Variants in SRPRB observed in about 807,000 individuals in gnomAD.
SRPRB encodes SRP receptor subunit beta.
In SRPRB, 20 loss-of-function variants were observed where a neutral mutation model predicts 31.9. The ratio of observed to expected loss-of-function variants is 0.63; its 90% CI spans 0.44 to 0.91. The LOEUF (loss-of-function observed/expected upper bound fraction) is 0.91, where lower values mean the gene tolerates loss of function less well. SRPRB is among the 40% of genes least tolerant of loss of function. The pLI, the probability that SRPRB is intolerant of heterozygous loss-of-function variation, is 0.00. For synonymous variants in SRPRB, 146 were observed against 132.8 expected (o/e 1.10, Z -0.68); for missense variants, 321 against 324.9 (o/e 0.99, Z 0.09).
rs773319742 is a variant in SRPRB at position 133,806,671 on chromosome 3, T to C, written c.217T>C (p.Cys73Arg). The C allele has an allele frequency of 1.2e-6, 2 of 1,614,200 alleles. No homozygotes were observed. The highest frequency in any genetic ancestry group is 1.7e-5 in the Admixed American group (1 of 60,030). The change falls in exon 2 of 7, where the codon TGT becomes CGT. Residue 73 changes from cysteine (C) to arginine (R), a missense_variant. Cys to Arg is a radical substitution (Grantham distance 180, BLOSUM62 -3). Coordinates refer to ENST00000678299, the MANE Select transcript of SRPRB (RefSeq NM_001379313.1). ...SQRAVLLVGL[C>R]DSGKTLLFVR... ...GAGAGCTGTTCTTCTTGTTGGCCTTTGTGATTCCGGGAAAACGTTGCTCTT... is the reference window on the plus strand; with the variant it reads ...GAGAGCTGTTCTTCTTGTTGGCCTTCGTGATTCCGGGAAAACGTTGCTCTT...
chr3:133,805,805 G>A (rs1186565105), upstream of SRPRB: 1 of 1,574,374 alleles, frequency 6.4e-7, no homozygotes, highest in Non-Finnish European at 8.6e-7. Flanking sequence ...GCAGAGTGCA[G>A]GGCCACGTCG....
At chr3:133,808,782 C>G (rs903091443) in intron 3 of SRPRB, among the ~76,000 whole-genome samples, 1 of 149,662 alleles carries the variant, frequency 6.7e-6, no homozygotes, top group African/African-American at 2.5e-5. Flanking sequence ...CCCAGCTACT[C>G]GGGAGGCTGA....
chr3:133,815,745 G>A lies in SRPRB; in HGVS notation c.547+19G>A. ...AAGCAAGGTGCCATCATGTTTTCTT[G>A]CAATAATAATTGAGTTTTTTGGGGA... On this transcript the variant is annotated intron_variant, in intron 5 of 6. Coordinates refer to ENST00000678299, the MANE Select transcript of SRPRB (RefSeq NM_001379313.1). 6.2e-7 allele frequency: 1 copy of A among 1,608,516 alleles called. No individual in the cohort carries two copies. Among genetic ancestry groups the A allele is most frequent in the Non-Finnish European group, 8.5e-7 (1 of 1,176,254 alleles).
At chr3:133,810,922 C>A in intron 3 of SRPRB, 195 bp from the exon 4 acceptor site, 1 of 454,166 alleles carries the variant, frequency 2.2e-6, no homozygotes, top group South Asian at 4.1e-5. Flanking sequence ...ATAAATTTTG[C>A]CAGATCAGGA....
intron 3 of SRPRB, among the ~76,000 whole-genome samples, chr3:133,809,178 A>C (rs939950012): frequency 6.6e-6 from 1 of 151,972 alleles, no homozygotes; most frequent in African/African-American, 2.4e-5. Context: ...TTTTTAGTAG[A>C]GATGGGGTTT....
chr3:133,784,681 T>TG (rs2107943282), intron 1 of SRPRB: 1 of 152,152 alleles, frequency 6.6e-6, no homozygotes, highest in Admixed American at 6.5e-5. Flanking sequence ...CCTGATGATC[T>TG]GAGGTGGAAC....
At chr3:133,821,778 A>G (rs915180653), downstream of SRPRB, among the ~76,000 whole-genome samples, 1 of 152,214 alleles carries the variant, frequency 6.6e-6, no homozygotes, top group Non-Finnish European at 1.5e-5. Flanking sequence ...TGCATGCTTA[A>G]TAAGTCTTTT....
At chr3:133,798,144 A>G (rs1023674552) in intron 1 of SRPRB, among the ~76,000 whole-genome samples, 12 of 152,338 alleles carry the variant, frequency 7.9e-5, no homozygotes, top group African/African-American at 2.9e-4. Context: ...CCAATTTGTA[A>G]ATATCTTTTT....
chr3:133,819,380 T>A (rs1429817976), intron 6 of SRPRB, among the ~76,000 whole-genome samples, 173 bp from the exon 7 acceptor site: 1 of 79,276 alleles, frequency 1.3e-5, no homozygotes, highest in Admixed American at 1.8e-4. Context: ...CTACCTCACC[T>A]CTCTGTCCAA....
downstream of SRPRB, among the ~76,000 whole-genome samples, chr3:133,823,711 T>C (rs1478754731): frequency 6.6e-6 from 1 of 152,192 alleles, no homozygotes; most frequent in East Asian, 1.9e-4. Flanking sequence ...TGGAGATAAC[T>C]GAGACCTGGA....
At chr3:133,819,041 C>A (rs1935417691) in intron 6 of SRPRB, among the ~76,000 whole-genome samples, 1 of 152,006 alleles carries the variant, frequency 6.6e-6, no homozygotes, top group Admixed American at 6.6e-5. Context: ...AGGGGACTTA[C>A]ATTGGGAAGG....
At chr3:133,816,680 A>T (rs1559892984) in intron 5 of SRPRB, among the ~76,000 whole-genome samples, 198 bp from the exon 6 acceptor site, 2 of 152,246 alleles carry the variant, frequency 1.3e-5, no homozygotes, top group Non-Finnish European at 2.9e-5. Context: ...TAATATGTTT[A>T]TAAGCATTAT....
intron 4 of SRPRB, among the ~76,000 whole-genome samples, chr3:133,812,461 T>C (rs1576383534): frequency 6.6e-6 from 1 of 152,268 alleles, no homozygotes; most frequent in East Asian, 1.9e-4. Context: ...GTATAACTAC[T>C]CTGTGATTCA....
At chr3:133,828,171 T>C (rs1935602522), downstream of SRPRB, 2 of 590,212 alleles carry the variant, frequency 3.4e-6, no homozygotes, top group South Asian at 2.0e-5. Flanking sequence ...CCACACGAGG[T>C]TGACGACCCA....
Position 133,811,106 on chromosome 3 carries a change from G to A in SRPRB, c.328-11G>A. ...GTATTGAAACGTTAATGTTATTGCT[G>A]CCATCCCCAGGGCAATAGTCTGACC... is the stretch of plus-strand genomic sequence containing the variant. On this transcript the variant is annotated splice_polypyrimidine_tract_variant and intron_variant, in intron 3 of 6. Coordinates refer to ENST00000678299, the MANE Select transcript of SRPRB (RefSeq NM_001379313.1). 6.2e-7 allele frequency: 1 copy of A among 1,613,708 alleles called. No homozygotes were observed. The highest frequency in any genetic ancestry group is 1.7e-5 in the Admixed American group (1 of 60,000).
At chr3:133,787,601 C>A (rs570267473) in intron 1 of SRPRB, 3 of 152,268 alleles carry the variant, frequency 2.0e-5, no homozygotes, top group Admixed American at 1.3e-4. Context: ...ACTGTGTTTG[C>A]AAGTGGGATT....
At chr3:133,799,344 A>G (rs1471499059) in intron 1 of SRPRB, among the ~76,000 whole-genome samples, 1 of 152,228 alleles carries the variant, frequency 6.6e-6, no homozygotes, top group African/African-American at 2.4e-5. Flanking sequence ...GATACTCTGC[A>G]GCATTTACAG....
chr3:133,814,614 T>C (rs1392665034), intron 4 of SRPRB, among the ~76,000 whole-genome samples: 1 of 152,062 alleles, frequency 6.6e-6, no homozygotes, highest in African/African-American at 2.4e-5. Context: ...AATTGTTATA[T>C]TTTTAGTAGA....
At chr3:133,816,990 A>G in intron 6 of SRPRB, 58 bp downstream of exon 6, 1 of 1,363,340 alleles carries the variant, frequency 7.3e-7, no homozygotes, top group Non-Finnish European at 1.0e-6. Context: ...GACTGTAAGC[A>G]GCATATTCAT....
Sources: gnomAD v4.1 joint callset for allele counts (sites outside exome capture counted in the v4.1 genomes callset) on GRCh38, gnomAD v4.1.1 for gene constraint, MANE v1.5 for transcripts, NCBI Gene and HGNC (gene_info 2026-07-23, HGNC 2026-07-21) for gene names.